Variants in PRKG1 observed in about 807,000 individuals in gnomAD.
The protein encoded by PRKG1 is protein kinase cGMP-dependent 1.
Under a neutral mutation model 88.1 loss-of-function variants are expected in PRKG1, and 35 were observed. That is an observed-to-expected ratio of 0.40 (90% CI 0.30 to 0.53). The LOEUF is 0.53. PRKG1 is among the 20% of genes least tolerant of loss of function. PRKG1 has a pLI of 0.59. For missense variants in PRKG1, 540 were observed against 839.8 expected (o/e 0.64, Z 4.41); for synonymous variants, 303 against 292.5 (o/e 1.04, Z -0.37).
At chr10:51,228,219 G>A (rs1048129039) in intron 2 of PRKG1, among the ~76,000 whole-genome samples, 1 of 152,166 alleles carries the variant, frequency 6.6e-6, no homozygotes, top group African/African-American at 2.4e-5. Flanking sequence ...TTTAGCCAAC[G>A]AGTTATGTTA....
intron 10 of PRKG1, among the ~76,000 whole-genome samples, chr10:52,266,384 C>G (rs560078097): frequency 5.0e-4 from 76 of 151,926 alleles, no homozygotes; most frequent in African/African-American, 1.8e-3. Flanking sequence ...AGCTCTCCCC[C>G]GACAGACCCC....
At chr10:52,292,924 G>A (rs1434798520) in intron 17 of PRKG1, among the ~76,000 whole-genome samples, 1 of 152,080 alleles carries the variant, frequency 6.6e-6, no homozygotes, top group Non-Finnish European at 1.5e-5. Context: ...AATTAGGCAG[G>A]AGAAGTAAAT....
chr10:51,759,723 G>T lies in PRKG1; in HGVS notation c.593-44862G>T, dbSNP rs148283981. Among the ~76,000 whole-genome samples, 27 of 152,204 alleles carry T rather than the reference G, an allele frequency of 1.8e-4. No individual in the cohort carries two copies. In the East Asian group the frequency reaches 3.9e-3, roughly 22 times the overall value. On this transcript the variant is annotated intron_variant, in intron 3 of 17. Transcript: ENST00000373980. ...CCACAGTATGTAAAGAAGTGGGAAA[G>T]GATCCCTTGTCCTGTGTTCTCTGTC...
chr10:51,653,048 C>G (rs966060815), intron 3 of PRKG1, among the ~76,000 whole-genome samples: 3 of 152,132 alleles, frequency 2.0e-5, no homozygotes, highest in Non-Finnish European at 2.9e-5. Context: ...CAAGATTTCC[C>G]CTTTATTAAA....
chr10:51,713,162 A>T (rs186912988), intron 3 of PRKG1, among the ~76,000 whole-genome samples: 4 of 152,298 alleles, frequency 2.6e-5, no homozygotes, highest in Admixed American at 2.6e-4. Flanking sequence ...ATTCCCCCAA[A>T]GGAAACATTC....
intron 2 of PRKG1, among the ~76,000 whole-genome samples, chr10:51,306,184 T>C (rs1395007367): frequency 6.6e-6 from 1 of 152,218 alleles, no homozygotes; most frequent in African/African-American, 2.4e-5. Context: ...TCTGCTTTCT[T>C]TTCATTCCAT....
At chr10:51,805,419 C>A (rs1447692462) in intron 4 of PRKG1, among the ~76,000 whole-genome samples, 1 of 151,868 alleles carries the variant, frequency 6.6e-6, no homozygotes, top group Non-Finnish European at 1.5e-5. Context: ...TATCTTATAA[C>A]TGAAAAGAAT....
At chr10:51,130,851 G>C (rs1301778926) in intron 1 of PRKG1, among the ~76,000 whole-genome samples, 1 of 151,988 alleles carries the variant, frequency 6.6e-6, no homozygotes, top group Admixed American at 6.6e-5. Context: ...GCAGTGAGCC[G>C]AGATCTGAGA....
intron 8 of PRKG1, among the ~76,000 whole-genome samples, chr10:52,146,592 A>T (rs571694330): frequency 1.3e-5 from 2 of 152,322 alleles, no homozygotes; most frequent in South Asian, 4.1e-4. Context: ...TTTGAGTATA[A>T]TTCTATTTTC....
At chr10:52,232,120 T>C (rs1840538975) in intron 9 of PRKG1, among the ~76,000 whole-genome samples, 12 of 152,054 alleles carry the variant, frequency 7.9e-5, no homozygotes, top group Admixed American at 7.9e-4. Context: ...CTGGCCAATA[T>C]GGTGAAACCC....
chr10:51,237,305 C>T lies in PRKG1; in HGVS notation c.478+83975C>T, dbSNP rs994960986. Among the ~76,000 whole-genome samples the T allele has an allele frequency of 4.6e-5, 7 of 152,232 alleles. No homozygotes were observed. In the East Asian group the frequency reaches 1.2e-3, roughly 25 times the overall value. On this transcript the variant is annotated intron_variant, in intron 2 of 17. Coordinates refer to ENST00000373980, the MANE Select transcript of PRKG1 (RefSeq NM_006258.4). ...TCAGGGCGTTGGTAGCTACTGGCGC[C>T]AAAGAGTTGCTCTAAAATGTGTGTA...
intron 5 of PRKG1, among the ~76,000 whole-genome samples, chr10:51,923,102 T>C (rs1842496098): frequency 6.6e-6 from 1 of 152,108 alleles, no homozygotes; most frequent in Admixed American, 6.5e-5. Flanking sequence ...ACTTAAAGGA[T>C]TGTTATGTCT....
At chr10:51,865,805 G>C (rs1383304539) in intron 4 of PRKG1, among the ~76,000 whole-genome samples, 2 of 151,898 alleles carry the variant, frequency 1.3e-5, no homozygotes, top group Non-Finnish European at 2.9e-5. Context: ...AAATTTATTT[G>C]TAAGCATTTC....
intron 3 of PRKG1, among the ~76,000 whole-genome samples, chr10:51,645,611 G>A (rs909856513): frequency 2.6e-5 from 4 of 152,084 alleles, no homozygotes; most frequent in Non-Finnish European, 5.9e-5. Context: ...GCTATGTCAT[G>A]ATGTTCATGC....
intron 5 of PRKG1, among the ~76,000 whole-genome samples, chr10:52,013,147 G>A (rs1025655199): frequency 3.3e-5 from 5 of 151,874 alleles, no homozygotes; most frequent in South Asian, 4.2e-4. Context: ...GGCCGGGTGC[G>A]GTGGCTCACG....
At chr10:51,664,420 A>C (rs1282565284) in intron 3 of PRKG1, among the ~76,000 whole-genome samples, 1 of 152,188 alleles carries the variant, frequency 6.6e-6, no homozygotes, top group Non-Finnish European at 1.5e-5. Context: ...CTCTTTTCTT[A>C]TGACACTGTC....
chr10:51,620,770 A>G (rs1839184913), intron 3 of PRKG1, among the ~76,000 whole-genome samples: 1 of 151,924 alleles, frequency 6.6e-6, no homozygotes, highest in South Asian at 2.1e-4. Flanking sequence ...ATTTTACCTA[A>G]GAGAAAAGTG....
At chr10:51,683,520 T>G (rs549320169) in intron 3 of PRKG1, among the ~76,000 whole-genome samples, 1 of 152,290 alleles carries the variant, frequency 6.6e-6, no homozygotes, top group African/African-American at 2.4e-5. Context: ...GGCAGGGAGA[T>G]AGAAGGAAGC....
intron 9 of PRKG1, among the ~76,000 whole-genome samples, chr10:52,225,478 G>A (rs1470651214): frequency 6.6e-6 from 1 of 152,070 alleles, no homozygotes; most frequent in East Asian, 1.9e-4. Context: ...ATGCAAAAAT[G>A]ATCTTTAGTT....
Sources: gnomAD v4.1 joint callset for allele counts (sites outside exome capture counted in the v4.1 genomes callset) on GRCh38, gnomAD v4.1.1 for gene constraint, MANE v1.5 for transcripts, NCBI Gene and HGNC (gene_info 2026-07-23, HGNC 2026-07-21) for gene names.